Variants in CLEC2D observed in about 807,000 individuals in gnomAD.
The protein encoded by CLEC2D is C-type lectin related f.
Under a neutral mutation model 20.0 loss-of-function variants are expected in CLEC2D, and 16 were observed. The observed-to-expected ratio is 0.80, with a 90% CI of 0.54 to 1.22. CLEC2D has a LOEUF of 1.22. Among genes scored for constraint, CLEC2D ranks in the 50% most tolerant of loss-of-function variants. The pLI, the probability that CLEC2D is intolerant of heterozygous loss-of-function variation, is 0.00. For synonymous variants in CLEC2D, 77 were observed against 71.1 expected (o/e 1.08, Z -0.42); for missense variants, 207 against 221.5 (o/e 0.93, Z 0.42).
At position 9,697,323 on chromosome 12, in the gene CLEC2D, G is replaced by A. The variant is rs1187114241; in HGVS notation, c.*2449G>A. 2 of 152,322 alleles carry A rather than the reference G, an allele frequency of 1.3e-5. No individual in the cohort carries two copies. Among genetic ancestry groups the A allele is most frequent in the Middle Eastern group, 6.8e-3 (2 of 296 alleles). The allele number at this position is 152,322 out of a possible 1,614,324, so 9.4% of individuals were successfully genotyped here. On this transcript the variant is annotated 3_prime_UTR_variant, in exon 5 of 5. Coordinates refer to ENST00000290855, the MANE Select transcript of CLEC2D (RefSeq NM_013269.6). ...ATAGCATGAGCGATCTGTGCCTTAA[G>A]GACATGTTCCTGCTGCAGTTAACTA...
At chr12:9,669,822 G>C in intron 1 of CLEC2D, 27 bp downstream of exon 1, 2 of 1,570,070 alleles carry the variant, frequency 1.3e-6, no homozygotes, top group Non-Finnish European at 1.8e-6. Flanking sequence ...TACAGAGTAA[G>C]TGTGAGGACT....
At chr12:9,671,510 G>A (rs977511308) in intron 1 of CLEC2D, among the ~76,000 whole-genome samples, 1 of 152,142 alleles carries the variant, frequency 6.6e-6, no homozygotes, top group Non-Finnish European at 1.5e-5. Flanking sequence ...GTGAGCCACC[G>A]CGCCCGGCCG....
At chr12:9,679,313 C>T (rs1222364205) in intron 1 of CLEC2D, among the ~76,000 whole-genome samples, 1 of 151,962 alleles carries the variant, frequency 6.6e-6, no homozygotes, top group Non-Finnish European at 1.5e-5. Flanking sequence ...GTATAATTCT[C>T]TTTCCTTTTA....
rs138300895 is a variant in CLEC2D, at chr12:9,687,090, T to A, written c.173-812T>A. Among the ~76,000 whole-genome samples the A allele has an allele frequency of 5.4e-4, 82 of 152,324 alleles. No homozygotes were observed. In the East Asian group the frequency reaches 0.016, roughly 29 times the overall value. ...GGTCAAGGAATGGTTTGGGGATAAT[T>A]TAAGTGCATTACTTTTATTGTGCCC... On this transcript the variant is annotated intron_variant, in intron 2 of 4. Coordinates refer to ENST00000290855, the MANE Select transcript of CLEC2D (RefSeq NM_013269.6).
At chr12:9,670,866 C>T (rs949041495) in intron 1 of CLEC2D, among the ~76,000 whole-genome samples, 2 of 152,172 alleles carry the variant, frequency 1.3e-5, no homozygotes, top group Non-Finnish European at 2.9e-5. Flanking sequence ...ATGCTCTACT[C>T]ATTAGTTCAG....
intron 3 of CLEC2D, 49 bp downstream of exon 3, chr12:9,688,135 A>G (rs117475346): frequency 0.021 from 29,026 of 1,373,918 alleles, 340 homozygotes; most frequent in Middle Eastern, 0.025. Context: ...CTACAAGGAT[A>G]TGTTTTCCTG....
chr12:9,677,939 T>TC (rs1865558356), intron 1 of CLEC2D, among the ~76,000 whole-genome samples: 1 of 152,056 alleles, frequency 6.6e-6, no homozygotes, highest in Non-Finnish European at 1.5e-5. Flanking sequence ...CTCAGGTTGG[T>TC]CTTGAACTCC....
At chr12:9,686,803 T>C (rs115553260) in intron 2 of CLEC2D, among the ~76,000 whole-genome samples, 271 of 152,380 alleles carry the variant, frequency 1.8e-3, no homozygotes, top group African/African-American at 6.0e-3. Context: ...CAGAAAAGCC[T>C]GTCCAGTGAA....
intron 1 of CLEC2D, among the ~76,000 whole-genome samples, chr12:9,677,500 A>G (rs917605087): frequency 6.6e-6 from 1 of 151,988 alleles, no homozygotes; most frequent in Non-Finnish European, 1.5e-5. Context: ...TATGATTTCT[A>G]TTTTGTTAAA....
At position 9,696,414 on chromosome 12, in the gene CLEC2D, G is replaced by A. The variant is rs1865994924; in HGVS notation, c.*1540G>A. The A allele has an allele frequency of 2.1e-6, 1 of 470,460 alleles. No homozygotes were observed. Among genetic ancestry groups the A allele is most frequent in the Non-Finnish European group, 3.9e-6 (1 of 256,430 alleles). 29.1% of individuals were successfully genotyped at this position (470,460 alleles called of 1,614,324 possible). ...AATGCCTGTTTAGTTTTTAAAGATG[G>A]AACTCCACCCTTTGCTTGGTTTTAA... On this transcript the variant is annotated 3_prime_UTR_variant, in exon 5 of 5. Coordinates refer to ENST00000290855, the MANE Select transcript of CLEC2D (RefSeq NM_013269.6).
At chr12:9,691,907 A>G (rs1249712485) in intron 3 of CLEC2D, among the ~76,000 whole-genome samples, 1 of 152,232 alleles carries the variant, frequency 6.6e-6, no homozygotes, top group Non-Finnish European at 1.5e-5. Context: ...GATTTACCTA[A>G]TAAGTCCCTA....
chr12:9,679,696 A>C (rs1865595504), intron 1 of CLEC2D, among the ~76,000 whole-genome samples: 1 of 152,200 alleles, frequency 6.6e-6, no homozygotes, highest in Non-Finnish European at 1.5e-5. Flanking sequence ...AAAAACTAAA[A>C]TCTATTGATT....
intron 3 of CLEC2D, 157 bp downstream of exon 3, chr12:9,688,243 T>C (rs2120957914): frequency 7.9e-7 from 1 of 1,260,190 alleles, no homozygotes; most frequent in East Asian, 3.1e-5. Context: ...CTAGCATGTA[T>C]TATATTTTAC....
chr12:9,670,948 G>A (rs1865406102), intron 1 of CLEC2D, among the ~76,000 whole-genome samples: 1 of 152,146 alleles, frequency 6.6e-6, no homozygotes, highest in African/African-American at 2.4e-5. Context: ...GGTGAATCCA[G>A]GAGTTTATGA....
At chr12:9,672,226 T>C (rs1412017358) in intron 1 of CLEC2D, among the ~76,000 whole-genome samples, 2 of 152,210 alleles carry the variant, frequency 1.3e-5, no homozygotes, top group Non-Finnish European at 2.9e-5. Flanking sequence ...AAATCCACTT[T>C]CGTGATAGTA....
chr12:9,681,109 T>TCA, intron 2 of CLEC2D, 76 bp downstream of exon 2: 1 of 833,008 alleles, frequency 1.2e-6, no homozygotes, highest in Non-Finnish European at 1.9e-6. Flanking sequence ...TGAATAATTT[T>TCA]GTTATTCTTT....
intron 4 of CLEC2D, chr12:9,693,949 G>C (rs1865921217): frequency 3.6e-6 from 1 of 280,286 alleles, no homozygotes; most frequent in Non-Finnish European, 6.8e-6. Flanking sequence ...GGGACTACAG[G>C]TGTGTGCCAC....
At position 9,692,809 on chromosome 12, in the gene CLEC2D, T is replaced by G. The variant is rs779210556; in HGVS notation, c.358-19T>G. ...GGTTATGTTAGATTAATGAATATCATCTCTGTGTTTTCTGAAAGAATTTCC... is the reference window on the plus strand; with the variant it reads ...GGTTATGTTAGATTAATGAATATCAGCTCTGTGTTTTCTGAAAGAATTTCC... On this transcript the variant is annotated intron_variant, in intron 3 of 4. Coordinates refer to ENST00000290855, the MANE Select transcript of CLEC2D (RefSeq NM_013269.6). 1 of 1,540,608 alleles carries G rather than the reference T, an allele frequency of 6.5e-7. No homozygotes were observed.
At chr12:9,672,812 A>T (rs1865450744) in intron 1 of CLEC2D, among the ~76,000 whole-genome samples, 1 of 151,772 alleles carries the variant, frequency 6.6e-6, no homozygotes, top group South Asian at 2.1e-4. Flanking sequence ...TCAGCAAGAG[A>T]GTCTTCAAGC....
Sources: allele counts gnomAD v4.1 joint callset (sites outside exome capture counted in the v4.1 genomes callset), GRCh38; gene constraint gnomAD v4.1.1; transcripts MANE v1.5; gene names NCBI Gene and HGNC (gene_info 2026-07-23, HGNC 2026-07-21).